CNTN4: variants seen among roughly 807,000 people sequenced by gnomAD.
CNTN4 encodes contactin 4, also known as contactin-4.
A neutral mutation model predicts 122.5 loss-of-function variants in CNTN4; 77 were observed. That is an observed-to-expected ratio of 0.63 (90% confidence interval 0.52 to 0.76). CNTN4 has a LOEUF of 0.76. CNTN4 is among the 30% of genes least tolerant of loss of function. The pLI is 0.00. For synonymous variants in CNTN4, 512 were observed against 447.0 expected, an observed-to-expected ratio of 1.15 and a Z score of -1.83; for missense variants, 1,256 against 1,259.1, an observed-to-expected ratio of 1.00 and a Z score of 0.04.
intron 3 of CNTN4, among the ~76,000 whole-genome samples, chr3:2,400,409 A>G (rs1318170341): frequency 1.7e-5 from 1 of 59,534 alleles, no homozygotes; most frequent in Non-Finnish European, 4.0e-5. Flanking sequence ...GTGTGAATAT[A>G]TATATATATA....
chr3:2,148,669 G>A (rs1161152403), intron 2 of CNTN4, among the ~76,000 whole-genome samples: 3 of 152,134 alleles, frequency 2.0e-5, no homozygotes, highest in Non-Finnish European at 4.4e-5. Flanking sequence ...ATCTTATGAG[G>A]CTTGATAAAT....
intron 3 of CNTN4, among the ~76,000 whole-genome samples, chr3:2,434,911 C>T (rs1298580049): frequency 6.6e-6 from 1 of 152,128 alleles, no homozygotes; most frequent in African/African-American, 2.4e-5. Flanking sequence ...CAATAGGAAG[C>T]ATTTAAAGTC....
rs531080219 is a variant in CNTN4 at position 2,276,030 on chromosome 3, CA to C, written c.-144-63143del. Among the ~76,000 whole-genome samples the C allele has an allele frequency of 3.8e-3, 568 of 151,082 alleles. 4 individuals are homozygous for C. Among genetic ancestry groups the C allele is most frequent in the African/African-American group, 0.013 (540 of 41,088 alleles). ...TTCTAACAACTGAAATTAATAATTT[CA>C]AAAATATTGCTTTTTGTATGTCTAT... is the stretch of plus-strand genomic sequence containing the variant. On this transcript the variant is annotated intron_variant, in intron 2 of 24. Transcript: ENST00000418658.
intron 4 of CNTN4, among the ~76,000 whole-genome samples, chr3:2,575,971 A>G (rs1576061778): frequency 6.6e-6 from 1 of 151,718 alleles, no homozygotes; most frequent in Admixed American, 6.6e-5. Context: ...AGTAGCTGGG[A>G]CTACAGGCAC....
intron 4 of CNTN4, among the ~76,000 whole-genome samples, chr3:2,735,516 G>A (rs2149486829): frequency 6.6e-6 from 1 of 152,294 alleles, no homozygotes; most frequent in South Asian, 2.1e-4. Context: ...CATAATCAGT[G>A]GACTCAAATC....
rs374773037 is a variant in CNTN4 at position 2,925,720 on chromosome 3, G to A, written c.1299G>A (p.Ala433=). Residue 433 remains alanine (A), a synonymous_variant, in exon 13 of 25, where the codon GCG becomes GCA. Coordinates refer to ENST00000418658, the MANE Select transcript of CNTN4 (RefSeq NM_175607.3). Reference sequence around the variant, plus strand: ...TTGTCATTGAGTGTAAGCCAAAAGCGTCTCCAAAACCTGTTTACACCTGGA... The same window carrying A: ...TTGTCATTGAGTGTAAGCCAAAAGCATCTCCAAAACCTGTTTACACCTGGA... The part of the protein sequence containing the change: ...GEVVIECKPK[A]SPKPVYTWKK... 9.5e-5 allele frequency: 153 copies of A among 1,613,652 alleles called. No individual in the cohort carries two copies. The highest frequency in any genetic ancestry group is 1.2e-4 in the Non-Finnish European group (138 of 1,179,786).
rs375376755 is a variant in CNTN4, at chr3:2,883,218, G to C, written c.726G>C (p.Thr242=). Residue 242 remains threonine, a synonymous_variant, in exon 9 of 25, where the codon ACG becomes ACC. Transcript: ENST00000418658. The part of the protein sequence containing the change: ...PETVPTAKGA[T]VKLECFALGN... ...CAGTTCCGACTGCAAAAGGAGCAACGGTGAAGCTGGAATGCTTTGCTTTAG... is the reference window on the plus strand; with the variant it reads ...CAGTTCCGACTGCAAAAGGAGCAACCGTGAAGCTGGAATGCTTTGCTTTAG... The C allele has an allele frequency of 3.1e-6, 5 of 1,613,598 alleles. No homozygotes were observed. Among genetic ancestry groups the C allele is most frequent in the Non-Finnish European group, 3.4e-6 (4 of 1,179,786 alleles).
rs145668986 is a variant in CNTN4 at position 2,949,431 on chromosome 3, T to C, written c.1358+23652T>C. The stretch of plus-strand genomic sequence containing the variant: ...TTGTCTGAAAGAAGCACCCTAGCGA[T>C]GCTTTCAGGAAGGGCCTTTTCCCAT... On this transcript the variant is annotated intron_variant, in intron 13 of 24. Coordinates refer to ENST00000418658, the MANE Select transcript of CNTN4 (RefSeq NM_175607.3). Among the ~76,000 whole-genome samples, 403 of 152,320 alleles carry C rather than the reference T, an allele frequency of 2.6e-3. 3 individuals carry two copies. The highest frequency in any genetic ancestry group is 9.4e-3 in the African/African-American group (390 of 41,584).
intron 8 of CNTN4, among the ~76,000 whole-genome samples, chr3:2,877,626 A>T (rs921458192): frequency 1.3e-5 from 2 of 152,194 alleles, no homozygotes; most frequent in Non-Finnish European, 2.9e-5. Flanking sequence ...TTGGTTGTGT[A>T]GACCTGGGTA....
At chr3:2,989,566 C>T (rs777316930) in intron 14 of CNTN4, among the ~76,000 whole-genome samples, 1 of 152,118 alleles carries the variant, frequency 6.6e-6, no homozygotes, top group Non-Finnish European at 1.5e-5. Flanking sequence ...ATGTACTACT[C>T]TTTTGGGAAG....
chr3:2,548,654 A>C lies in CNTN4; in HGVS notation c.-88-22762A>C, dbSNP rs139164151. Reference sequence around the variant, plus strand: ...TTTTGCTTAGGATTGTCTTGGTTATATGGGCTCTTTTTTTGGTTCCATATG... The same window carrying C: ...TTTTGCTTAGGATTGTCTTGGTTATCTGGGCTCTTTTTTTGGTTCCATATG... On this transcript the variant is annotated intron_variant, in intron 3 of 24. Transcript: ENST00000418658. Among the ~76,000 whole-genome samples the C allele has an allele frequency of 6.8e-3, 1,035 of 152,064 alleles. 9 individuals carry two copies. The highest frequency in any genetic ancestry group is 0.024 in the African/African-American group (977 of 41,500).
chr3:2,563,956 G>T (rs1040323419), intron 3 of CNTN4, among the ~76,000 whole-genome samples: 1 of 151,834 alleles, frequency 6.6e-6, no homozygotes, highest in Non-Finnish European at 1.5e-5. Context: ...CTCAAGCTCA[G>T]CTAACAAATT....
intron 2 of CNTN4, among the ~76,000 whole-genome samples, chr3:2,257,549 G>A (rs1185057277): frequency 2.0e-5 from 3 of 152,068 alleles, no homozygotes; most frequent in East Asian, 1.9e-4. Flanking sequence ...CTGAAAAAGG[G>A]CTAATACCCA....
intron 14 of CNTN4, among the ~76,000 whole-genome samples, chr3:3,005,887 ATTTTT>A (rs10630939): frequency 6.9e-6 from 1 of 145,334 alleles, no homozygotes; most frequent in Admixed American, 6.9e-5. Context: ...ACTGTGTAGA[ATTTTT>A]TTTTTTTTTT....
chr3:2,831,198 A>G (rs2093097130), intron 7 of CNTN4, among the ~76,000 whole-genome samples: 1 of 152,240 alleles, frequency 6.6e-6, no homozygotes, highest in African/African-American at 2.4e-5. Context: ...GTATGAGGGT[A>G]GGATTAAAGC....
chr3:2,257,847 A>T (rs2040663421), intron 2 of CNTN4, among the ~76,000 whole-genome samples: 5 of 152,072 alleles, frequency 3.3e-5, no homozygotes, highest in Admixed American at 3.3e-4. Context: ...GCCGATCACG[A>T]GGTCAGGAGT....
chr3:3,031,372 C>T (rs1252943683), intron 16 of CNTN4, among the ~76,000 whole-genome samples: 1 of 152,168 alleles, frequency 6.6e-6, no homozygotes, highest in African/African-American at 2.4e-5. Context: ...GGTATAACAG[C>T]AGCTTAAGTA....
rs1415509208 is a variant in CNTN4 at position 2,369,398 on chromosome 3, G to C, written c.-89+30165G>C. Among the ~76,000 whole-genome samples the C allele has an allele frequency of 2.0e-5, 3 of 152,118 alleles. No homozygotes were observed. The East Asian group carries it at 5.8e-4, about 29-fold the overall frequency. On this transcript the variant is annotated intron_variant, in intron 3 of 24. Transcript: ENST00000418658. ...TTGTATCAATTTTTAAAACATCATA[G>C]CCATTATTATTTTGCAGTCTGTATT...
chr3:2,384,175 A>C (rs1559505440), intron 3 of CNTN4, among the ~76,000 whole-genome samples: 2 of 152,120 alleles, frequency 1.3e-5, no homozygotes, highest in Non-Finnish European at 2.9e-5. Flanking sequence ...GGACTCAGTA[A>C]CCTTTAATTG....
Sources: gnomAD v4.1 joint callset for allele counts (sites outside exome capture counted in the v4.1 genomes callset) on GRCh38, gnomAD v4.1.1 for gene constraint, MANE v1.5 for transcripts, NCBI Gene and HGNC (gene_info 2026-07-23, HGNC 2026-07-21) for gene names.